The following DLG4 variants were observed in gnomAD, a reference collection of about 807,000 sequenced individuals.
DLG4 encodes the protein disks large homolog 4.
DLG4 carries 7 observed loss-of-function variants against 93.8 expected under a neutral mutation model. That is an observed-to-expected ratio of 0.07 (90% confidence interval 0.04 to 0.14). The LOEUF (loss-of-function observed/expected upper bound fraction) is 0.14. Ranked by LOEUF, DLG4 falls within the 10% of genes least tolerant of loss-of-function variation. DLG4 has a pLI of 1.00. For missense variants in DLG4, 545 were observed against 992.9 expected, an observed-to-expected ratio of 0.55 and a Z score of 6.06; for synonymous variants, 341 against 387.6, an observed-to-expected ratio of 0.88 and a Z score of 1.41.
Position 7,203,226 on chromosome 17 carries a change from A to C in DLG4, c.609T>G (p.Asp203Glu), listed in dbSNP as rs2070249996. The change falls in exon 7 of 20, where the codon GAT becomes GAG. Residue 203 changes from aspartate to glutamate, a missense_variant. Coordinates refer to ENST00000399506, the MANE Select transcript of DLG4 (RefSeq NM_001321075.3). The surrounding 1 kb of genome is among the most constrained non-coding windows in gnomAD (Gnocchi z 7.2). ...KIIEGGAAHK[D>E]GRLQIGDKIL... ...TCTTGTCTCCAATCTGCAACCTCCC[A>C]TCCTTGTGGGCAGCACCCCCTTCGA... The C allele has an allele frequency of 6.2e-7, 1 of 1,608,438 alleles. No homozygotes were observed. The highest frequency in any genetic ancestry group is 1.3e-5 in the African/African-American group (1 of 74,842).
chr17:7,220,033 C>T (rs2230179), upstream of DLG4: 5,733 of 1,604,908 alleles, frequency 3.6e-3, 178 homozygotes, highest in African/African-American at 0.067. Flanking sequence ...GCTGCTGAGG[C>T]TCGGGGGCGG....
intron 1 of DLG4, among the ~76,000 whole-genome samples, chr17:7,214,166 C>T (rs949520079): frequency 6.6e-6 from 1 of 152,168 alleles, no homozygotes; most frequent in Non-Finnish European, 1.5e-5. Flanking sequence ...AACAGACCTC[C>T]ATCTTAGGAA....
chr17:7,216,345 C>T (rs1156765318), intron 1 of DLG4, among the ~76,000 whole-genome samples: 2 of 152,134 alleles, frequency 1.3e-5, no homozygotes, highest in Non-Finnish European at 2.9e-5. Flanking sequence ...CGGTCCCCCT[C>T]CTCAAATCCC....
intron 8 of DLG4, among the ~76,000 whole-genome samples, chr17:7,198,439 T>A (rs1481019769): frequency 6.9e-6 from 1 of 144,610 alleles, no homozygotes; most frequent in Non-Finnish European, 1.5e-5. Context: ...GCCAAGATTG[T>A]GCCACTGCAC....
chr17:7,218,141 C>G (rs1301259606), upstream of DLG4: 4 of 1,129,940 alleles, frequency 3.5e-6, no homozygotes, highest in African/African-American at 1.6e-5. Flanking sequence ...CTTTTGTCAG[C>G]AGGGCCCCCA....
upstream of DLG4, chr17:7,219,811 C>T (rs1288207463): frequency 3.9e-6 from 6 of 1,528,744 alleles, no homozygotes; most frequent in Non-Finnish European, 5.3e-6. Flanking sequence ...GTCAGCGGAA[C>T]GCAGGGCCGG....
chr17:7,217,898 G>T, upstream of DLG4: 2 of 1,380,164 alleles, frequency 1.4e-6, no homozygotes. Flanking sequence ...CGGGAGGGAG[G>T]CCTCTCGGCA....
Position 7,191,861 on chromosome 17 carries a change from A to G in DLG4, c.1976+32T>C. 1.4e-6 allele frequency: 2 copies of G among 1,384,862 alleles called. No individual in the cohort carries two copies. The highest frequency in any genetic ancestry group is 2.6e-5 in the Admixed American group (1 of 38,032). The allele number at this position is 1,384,862 out of a possible 1,614,324, so 85.8% of individuals were successfully genotyped here. A position where few individuals can be genotyped will look rare whatever the true frequency, so the allele number is the denominator to read the frequency against. On this transcript the variant is annotated intron_variant, in intron 18 of 19. Coordinates refer to ENST00000399506, the MANE Select transcript of DLG4 (RefSeq NM_001321075.3). This position sits in a 1 kb window ranked among gnomAD's most constrained non-coding sequence, Gnocchi z 6.6. The stretch of plus-strand genomic sequence containing the variant: ...GGCCCAGGGCCACAGGTGTTGGGGG[A>G]GCAAAGGGGAGGCCCCCAGGACCAT...
At chr17:7,220,017 G>A (rs975427927), upstream of DLG4, 5 of 1,605,178 alleles carry the variant, frequency 3.1e-6, no homozygotes, top group East Asian at 2.2e-5. Flanking sequence ...CGAGCTTGGG[G>A]CGGCAGCTGC....
At chr17:7,205,246 A>C in intron 2 of DLG4, 1 of 886,340 alleles carries the variant, frequency 1.1e-6, no homozygotes, top group Non-Finnish European at 1.4e-6. Context: ...CCCCCACTTC[A>C]TTCGGGAAAG....
At chr17:7,207,764 C>A (rs1211590592) in intron 2 of DLG4, among the ~76,000 whole-genome samples, 1 of 151,432 alleles carries the variant, frequency 6.6e-6, no homozygotes, top group African/African-American at 2.4e-5. Flanking sequence ...CACAGGCACG[C>A]ATGCATGCAC....
chr17:7,190,900 G>A (rs2069454945), intron 19 of DLG4, 86 bp from the exon 20 acceptor site: 1 of 1,086,760 alleles, frequency 9.2e-7, no homozygotes, highest in East Asian at 2.4e-5. Flanking sequence ...CAGAGGAAGG[G>A]GCACCTCTTT....
At position 7,194,059 on chromosome 17, in the gene DLG4, T is replaced by C. The variant is rs2069642184; in HGVS notation, c.1479-59A>G. 5.0e-6 allele frequency: 8 copies of C among 1,591,970 alleles called. No homozygotes were observed. The highest frequency in any genetic ancestry group is 5.1e-6 in the Non-Finnish European group (6 of 1,169,102). On this transcript the variant is annotated intron_variant, in intron 12 of 19. Transcript: ENST00000399506. This position sits in a 1 kb window ranked among gnomAD's most constrained non-coding sequence, Gnocchi z 4.4. ...GAATGCCTACCCCCTGCCACCCCCA[T>C]GCTCTGAGCCAGCTGACAACCCCTT...
In DLG4 at chr17:7,190,421, C is replaced by T; in HGVS notation, c.*287G>A. The T allele has an allele frequency of 2.3e-6, 1 of 434,340 alleles. No individual in the cohort carries two copies. The highest frequency in any genetic ancestry group is 4.3e-6 in the Non-Finnish European group (1 of 233,796). The allele number at this position is 434,340 out of a possible 1,614,324, so 26.9% of individuals were successfully genotyped here. On this transcript the variant is annotated 3_prime_UTR_variant, in exon 20 of 20. Coordinates refer to ENST00000399506, the MANE Select transcript of DLG4 (RefSeq NM_001321075.3). ...GTGGCCCCCGGTGGGTCTGTGTGTGCATTGGGGGCAGGTGGGGGCGGGGAT... is the reference window on the plus strand; with the variant it reads ...GTGGCCCCCGGTGGGTCTGTGTGTGTATTGGGGGCAGGTGGGGGCGGGGAT...
chr17:7,212,229 A>T lies in DLG4; in HGVS notation c.31-3990T>A, dbSNP rs557930768. On this transcript the variant is annotated intron_variant, in intron 1 of 19. Coordinates refer to ENST00000399506, the MANE Select transcript of DLG4 (RefSeq NM_001321075.3). Reference sequence around the variant, plus strand: ...CCGCAAGATTGGTGCTGTGGATAGCATCTCCTCAGATTCCAAGGCATCTCC... The same window carrying T: ...CCGCAAGATTGGTGCTGTGGATAGCTTCTCCTCAGATTCCAAGGCATCTCC... Among the ~76,000 whole-genome samples the T allele has an allele frequency of 4.6e-5, 7 of 152,112 alleles. 1 individual carries two copies. The highest frequency in any genetic ancestry group is 1.4e-4 in the African/African-American group (6 of 41,486).
At chr17:7,192,819 G>A (rs1235846018) in intron 17 of DLG4, 126 bp downstream of exon 17, 2 of 1,043,210 alleles carry the variant, frequency 1.9e-6, no homozygotes, top group Non-Finnish European at 2.7e-6. Flanking sequence ...AGAAGGAGGT[G>A]GAGGAGCGGA....
intron 1 of DLG4, among the ~76,000 whole-genome samples, chr17:7,211,419 C>T (rs529594973): frequency 1.1e-4 from 16 of 151,962 alleles, no homozygotes; most frequent in Non-Finnish European, 2.4e-4. Flanking sequence ...GCCCCCTCCT[C>T]ACCAGAGCCC....
chr17:7,208,126 G>A lies in DLG4; in HGVS notation c.96+48C>T. 7.6e-7 allele frequency: 1 copy of A among 1,321,274 alleles called. No individual in the cohort carries two copies. Among genetic ancestry groups the A allele is most frequent in the Non-Finnish European group, 9.8e-7 (1 of 1,025,488 alleles). 81.8% of individuals were successfully genotyped at this position (1,321,274 alleles called of 1,614,324 possible). ...CCACGACCCCGTGGCCAGCCTCGAGGTGGGACAAGTTCCTCTCCGCCACGT... is the reference window on the plus strand; with the variant it reads ...CCACGACCCCGTGGCCAGCCTCGAGATGGGACAAGTTCCTCTCCGCCACGT... On this transcript the variant is annotated intron_variant, in intron 2 of 19. Transcript: ENST00000399506. This position sits in a 1 kb window ranked among gnomAD's most constrained non-coding sequence, Gnocchi z 5.4.
At position 7,217,248 on chromosome 17, in the gene DLG4, A is replaced by G. The variant is rs998446241; in HGVS notation, c.-101T>C. The G allele has an allele frequency of 8.3e-7, 1 of 1,198,186 alleles. No homozygotes were observed. Among genetic ancestry groups the G allele is most frequent in the African/African-American group, 1.7e-5 (1 of 60,482 alleles). 74.2% of individuals were successfully genotyped at this position (1,198,186 alleles called of 1,614,324 possible). On this transcript the variant is annotated 5_prime_UTR_variant, in exon 1 of 20. Transcript: ENST00000399506. ...CTCACCCCTCCCCCCTCCGCACCCC[A>G]CTTTTGCAGGGGGGGCCAGGATGGG...
Sources: allele counts gnomAD v4.1 joint callset (sites outside exome capture counted in the v4.1 genomes callset), GRCh38; gene constraint gnomAD v4.1.1; non-coding constraint Gnocchi (gnomAD v3.1); transcripts MANE v1.5; gene names NCBI Gene and HGNC (gene_info 2026-07-23, HGNC 2026-07-21).